The following CREBRF variants were observed in gnomAD, a reference collection of about 807,000 sequenced individuals.
CREBRF encodes UPF0474 protein C5orf41.
A neutral mutation model predicts 66.1 loss-of-function variants in CREBRF; 5 were observed. The observed-to-expected ratio is 0.08, with a 90% CI of 0.04 to 0.16. The LOEUF is 0.16. Ranked by LOEUF, CREBRF falls within the 10% of genes least tolerant of loss-of-function variation. The probability of loss-of-function intolerance (pLI) is 1.00; values close to 1 mark genes in which losing one functional copy is unlikely to be tolerated. For synonymous variants in CREBRF, 229 were observed against 264.4 expected, an observed-to-expected ratio of 0.87 and a Z score of 1.30; for missense variants, 531 against 744.9, an observed-to-expected ratio of 0.71 and a Z score of 3.34.
chr5:173,080,918 G>A (rs1477804671), intron 2 of CREBRF, 134 bp downstream of exon 2: 11 of 820,864 alleles, frequency 1.3e-5, no homozygotes, highest in Non-Finnish European at 2.0e-6. Context: ...ATCTCAGCTA[G>A]TTTTGAGTAC....
Position 173,090,243 on chromosome 5 carries a change from A to T in CREBRF, c.136-72A>T. The T allele has an allele frequency of 8.2e-7, 1 of 1,226,942 alleles. No homozygotes were observed. The highest frequency in any genetic ancestry group is 1.1e-6 in the Non-Finnish European group (1 of 877,842). 76.0% of individuals were successfully genotyped at this position (1,226,942 alleles called of 1,614,324 possible). ...ACCAAAAGTCAAGTATTGATTTATC[A>T]GTTTGACATATGGAGGTGAATATTT... On this transcript the variant is annotated intron_variant, in intron 3 of 8. Transcript: ENST00000296953. This position sits in a 1 kb window ranked among gnomAD's most constrained non-coding sequence, Gnocchi z 4.5.
At chr5:173,117,686 C>T (rs1473300496) in intron 7 of CREBRF, among the ~76,000 whole-genome samples, 2 of 136,194 alleles carry the variant, frequency 1.5e-5, no homozygotes, top group Admixed American at 7.7e-5. Context: ...CTCTCTCTCT[C>T]TCTCCTCCTC....
intron 2 of CREBRF, among the ~76,000 whole-genome samples, chr5:173,082,945 A>AAAC (rs1561799554): frequency 8.1e-6 from 1 of 122,748 alleles, no homozygotes; most frequent in Admixed American, 9.1e-5. Flanking sequence ...AAAAAAAAAA[A>AAAC]ACCGGGTGCA....
In CREBRF at chr5:173,082,102, C is replaced by T. The variant is rs1323457745; in HGVS notation, c.9+1318C>T. On this transcript the variant is annotated intron_variant, in intron 2 of 8. Transcript: ENST00000296953. ...AATCTTGGCTCACTGCAAGCTCCAC[C>T]TCCCGGGTTCACGCCATTCTCCTGC... Among the ~76,000 whole-genome samples, 3 of 146,358 alleles carry T rather than the reference C, an allele frequency of 2.0e-5. No individual in the cohort carries two copies. The Admixed American group carries it at 2.1e-4, about 10-fold the overall frequency.
chr5:173,129,453 G>A (rs1051811938), intron 8 of CREBRF, among the ~76,000 whole-genome samples: 1 of 152,014 alleles, frequency 6.6e-6, no homozygotes, highest in African/African-American at 2.4e-5. Flanking sequence ...CAGGTGCAGT[G>A]GCTTACAGCT....
intron 4 of CREBRF, among the ~76,000 whole-genome samples, chr5:173,104,203 G>T (rs553516137): frequency 5.0e-4 from 76 of 152,300 alleles, no homozygotes; most frequent in African/African-American, 1.7e-3. Context: ...AGAGAGATAT[G>T]CAGGATGAGA....
intron 1 of CREBRF, among the ~76,000 whole-genome samples, chr5:173,078,122 T>A (rs1188856421): frequency 6.6e-6 from 1 of 152,216 alleles, no homozygotes; most frequent in Non-Finnish European, 1.5e-5. Flanking sequence ...TGGATTTCGC[T>A]TTTTGAAGAA....
chr5:173,128,827 C>G (rs1759335542), intron 8 of CREBRF, among the ~76,000 whole-genome samples: 1 of 152,048 alleles, frequency 6.6e-6, no homozygotes, highest in Admixed American at 6.6e-5. Flanking sequence ...GTACCCCAGG[C>G]TGGAGTGCAG....
chr5:173,110,422 A>G (rs1758844590), intron 5 of CREBRF, 100 bp from the exon 6 acceptor site: 1 of 838,670 alleles, frequency 1.2e-6, no homozygotes. Context: ...TTCTGAAAAG[A>G]AAAGGTAGTG....
intron 7 of CREBRF, among the ~76,000 whole-genome samples, chr5:173,121,067 T>C (rs755423542): frequency 1.3e-5 from 2 of 152,144 alleles, no homozygotes; most frequent in Non-Finnish European, 2.9e-5. Context: ...GTTAAATTTG[T>C]TAGCACCATA....
chr5:173,133,229 A>C (rs532092645), intron 8 of CREBRF, among the ~76,000 whole-genome samples: 1 of 152,338 alleles, frequency 6.6e-6, no homozygotes, highest in South Asian at 2.1e-4. Flanking sequence ...TTCATGGGTG[A>C]AACCTACCCA....
rs1380566687 is a variant in CREBRF, at chr5:173,139,018, A to G, written c.*5273A>G. 1.3e-5 allele frequency: 2 copies of G among 151,782 alleles called. No individual in the cohort carries two copies. The highest frequency in any genetic ancestry group is 2.9e-5 in the Non-Finnish European group (2 of 67,948). 9.4% of individuals were successfully genotyped at this position (151,782 alleles called of 1,614,324 possible). A position where few individuals can be genotyped will look rare whatever the true frequency, so the allele number is the denominator to read the frequency against. ...TGTAGTTTTTTTTTTTTCTCTCCCA[A>G]CTGGAGCTATGACACTTTTTATTGG... is the stretch of plus-strand genomic sequence containing the variant. On this transcript the variant is annotated 3_prime_UTR_variant, in exon 9 of 9. Transcript: ENST00000296953.
At chr5:173,071,281 G>A (rs1435965629) in intron 1 of CREBRF, among the ~76,000 whole-genome samples, 1 of 152,072 alleles carries the variant, frequency 6.6e-6, no homozygotes, top group African/African-American at 2.4e-5. Flanking sequence ...CCATGATCTC[G>A]CATCACTGCA....
At chr5:173,091,518 GA>G in intron 4 of CREBRF, 117 bp downstream of exon 4, 1 of 1,489,288 alleles carries the variant, frequency 6.7e-7, no homozygotes, top group Non-Finnish European at 8.9e-7. Context: ...GGAATTAAAT[GA>G]CTTAAACCTT....
intron 4 of CREBRF, among the ~76,000 whole-genome samples, chr5:173,095,411 G>C (rs1433469435): frequency 6.6e-6 from 1 of 151,906 alleles, no homozygotes; most frequent in East Asian, 1.9e-4. Flanking sequence ...GGATGGTCTC[G>C]ATCTCCTGAC....
At chr5:173,057,173 G>A (rs1757087356) in intron 1 of CREBRF, among the ~76,000 whole-genome samples, 1 of 152,258 alleles carries the variant, frequency 6.6e-6, no homozygotes, top group African/African-American at 2.4e-5. Context: ...CTGAGTGGCA[G>A]GCTCTGGCGT....
chr5:173,100,131 ATTTTTTT>A (rs1184133658), intron 4 of CREBRF, among the ~76,000 whole-genome samples: 1 of 42,864 alleles, frequency 2.3e-5, no homozygotes, highest in African/African-American at 9.6e-5. Flanking sequence ...TATATATATA[ATTTTTTT>A]TTTTTTTTTT....
chr5:173,056,614 C>T (rs1446033742), intron 1 of CREBRF, 135 bp downstream of exon 1: 2 of 387,922 alleles, frequency 5.2e-6, no homozygotes, highest in East Asian at 3.7e-5. Context: ...GGGCGGGGGC[C>T]GGGACCACGG....
chr5:173,126,181 C>T (rs951844924), intron 8 of CREBRF, among the ~76,000 whole-genome samples: 1 of 152,086 alleles, frequency 6.6e-6, no homozygotes, highest in Non-Finnish European at 1.5e-5. Flanking sequence ...CACTCTGTCG[C>T]CCAGGCTGGA....
Sources: gnomAD v4.1 joint callset for allele counts (sites outside exome capture counted in the v4.1 genomes callset) on GRCh38, gnomAD v4.1.1 for gene constraint, Gnocchi (gnomAD v3.1) non-coding constraint, MANE v1.5 for transcripts, NCBI Gene and HGNC (gene_info 2026-07-23, HGNC 2026-07-21) for gene names.